Variants in LARP4B observed in about 807,000 individuals in gnomAD.
The protein encoded by LARP4B is la-related protein 4B.
Under a neutral mutation model 89.8 loss-of-function variants are expected in LARP4B, and 12 were observed. The observed-to-expected ratio is 0.13, with a 90% CI of 0.09 to 0.22. LARP4B has a LOEUF of 0.22. Ranked by LOEUF, LARP4B falls within the 10% of genes least tolerant of loss-of-function variation. The pLI is 1.00. For synonymous variants in LARP4B, 367 were observed against 363.3 expected (o/e 1.01, Z -0.12); for missense variants, 757 against 947.7 (o/e 0.80, Z 2.64).
At chr10:936,989 AAAAG>A in the LARP4B span, among the ~76,000 whole-genome samples, 6 of 152,230 alleles carry the variant, frequency 3.9e-5, no homozygotes, top group Non-Finnish European at 8.8e-5. Context: ...GAGGAAGGAA[AAAAG>A]AAAGCTCTTC....
intron 3 of LARP4B, among the ~76,000 whole-genome samples, chr10:864,929 G>A (rs1246340325): frequency 6.6e-6 from 1 of 152,106 alleles, no homozygotes; most frequent in Non-Finnish European, 1.5e-5. Context: ...CCCAACCTGG[G>A]GGACAGAGCA....
chr10:915,207 C>G (rs1010905713), intron 1 of LARP4B, among the ~76,000 whole-genome samples: 5 of 151,836 alleles, frequency 3.3e-5, no homozygotes, highest in African/African-American at 1.2e-4. Context: ...ATCACTTGAG[C>G]CCAGGAGTTT....
chr10:936,592 G>A (rs974649012), upstream of LARP4B, among the ~76,000 whole-genome samples: 8 of 152,196 alleles, frequency 5.3e-5, no homozygotes, highest in African/African-American at 1.7e-4. Context: ...GCGTGGTGGC[G>A]GTCGCCTGTA....
chr10:835,405 C>A (rs1021211357), intron 8 of LARP4B, among the ~76,000 whole-genome samples: 3 of 152,124 alleles, frequency 2.0e-5, no homozygotes, highest in Admixed American at 6.6e-5. Context: ...GCATGAACGA[C>A]GAGGCTGAAA....
At chr10:956,117 G>T in the LARP4B span, among the ~76,000 whole-genome samples, 1 of 152,094 alleles carries the variant, frequency 6.6e-6, no homozygotes, top group Non-Finnish European at 1.5e-5. This position sits in a 1 kb window ranked among gnomAD's most constrained non-coding sequence, Gnocchi z 4.3. Context: ...TTTGCACAGC[G>T]GCTCTGGGAG....
intron 3 of LARP4B, among the ~76,000 whole-genome samples, chr10:874,207 C>G (rs1041371518): frequency 5.3e-5 from 8 of 152,026 alleles, no homozygotes; most frequent in African/African-American, 1.9e-4. Flanking sequence ...GCACTCCAGC[C>G]TGGGTGACAA....
intron 1 of LARP4B, among the ~76,000 whole-genome samples, chr10:901,670 T>C (rs1836349926): frequency 6.6e-6 from 1 of 152,222 alleles, no homozygotes; most frequent in Non-Finnish European, 1.5e-5. Context: ...ATAAAAGAAA[T>C]GCGTCCAATC....
chr10:837,254 A>G (rs1833267432), intron 7 of LARP4B, among the ~76,000 whole-genome samples: 1 of 152,232 alleles, frequency 6.6e-6, no homozygotes, highest in South Asian at 2.1e-4. Context: ...TAGTTTTTAT[A>G]TCTTAATCTG....
At chr10:922,633 C>A (rs1315640193) in intron 1 of LARP4B, among the ~76,000 whole-genome samples, 1 of 151,984 alleles carries the variant, frequency 6.6e-6, no homozygotes, top group Non-Finnish European at 1.5e-5. Flanking sequence ...CACCACTACA[C>A]TCCACTCCTG....
intron 13 of LARP4B, among the ~76,000 whole-genome samples, chr10:823,072 T>C (rs898926078): frequency 2.6e-5 from 4 of 152,236 alleles, no homozygotes; most frequent in Admixed American, 6.5e-5. Flanking sequence ...GCACAAGCTC[T>C]TTCTCAAGAC....
chr10:825,691 A>C, intron 12 of LARP4B, 73 bp downstream of exon 12: 3 of 985,148 alleles, frequency 3.0e-6, no homozygotes, highest in Non-Finnish European at 4.7e-6. Context: ...CTAGTGATCA[A>C]AGCTCTCTCA....
chr10:849,972 A>G (rs1833960206), intron 5 of LARP4B, among the ~76,000 whole-genome samples: 1 of 152,254 alleles, frequency 6.6e-6, no homozygotes, highest in Admixed American at 6.5e-5. Context: ...AGACGTAACA[A>G]TGAAATATAA....
intron 5 of LARP4B, among the ~76,000 whole-genome samples, chr10:849,632 C>T (rs549110555): frequency 3.9e-5 from 6 of 152,278 alleles, no homozygotes; most frequent in East Asian, 3.9e-4. Context: ...CTGTACGCAG[C>T]GACTTCCTTC....
At chr10:915,351 C>A (rs1393843857) in intron 1 of LARP4B, among the ~76,000 whole-genome samples, 2 of 152,012 alleles carry the variant, frequency 1.3e-5, no homozygotes, top group Non-Finnish European at 2.9e-5. Flanking sequence ...ATTTATTTTT[C>A]TCTTTTGAAC....
intron 11 of LARP4B, among the ~76,000 whole-genome samples, chr10:827,239 G>A (rs1367081920): frequency 6.6e-6 from 1 of 151,818 alleles, no homozygotes; most frequent in Non-Finnish European, 1.5e-5. Context: ...TCCGGCCACT[G>A]CACTCCAGCC....
At chr10:856,698 C>T (rs1355705680) in intron 5 of LARP4B, among the ~76,000 whole-genome samples, 3 of 152,160 alleles carry the variant, frequency 2.0e-5, no homozygotes, top group Non-Finnish European at 2.9e-5. Context: ...TTCTGGAGCT[C>T]GATCAGGTCC....
Position 865,998 on chromosome 10 carries a change from G to A in LARP4B, c.142-1728C>T, listed in dbSNP as rs188239261. 2.6e-4 allele frequency among the ~76,000 whole-genome samples: 40 copies of A among 152,290 alleles called. 1 individual carries two copies. In the East Asian group the frequency reaches 6.8e-3, roughly 26 times the overall value. On this transcript the variant is annotated intron_variant, in intron 3 of 17. Transcript: ENST00000316157. The stretch of plus-strand genomic sequence containing the variant: ...ATGAGCCGTCAAATAAACGATGGGT[G>A]CATTAACAATTTTTAAAAGACAGAA...
intron 5 of LARP4B, among the ~76,000 whole-genome samples, chr10:849,007 G>A (rs1407478301): frequency 6.6e-6 from 1 of 152,184 alleles, no homozygotes; most frequent in Non-Finnish European, 1.5e-5. Context: ...AAGCATCCGG[G>A]CCACGAGAGA....
intron 8 of LARP4B, among the ~76,000 whole-genome samples, chr10:832,645 A>G (rs1303986182): frequency 3.3e-5 from 5 of 152,222 alleles, no homozygotes; most frequent in Non-Finnish European, 5.9e-5. Context: ...GAAAACGTAT[A>G]CCAGAAGAGA....
Sources: allele counts gnomAD v4.1 joint callset (sites outside exome capture counted in the v4.1 genomes callset), GRCh38; gene constraint gnomAD v4.1.1; non-coding constraint Gnocchi (gnomAD v3.1); transcripts MANE v1.5; gene names NCBI Gene and HGNC (gene_info 2026-07-23, HGNC 2026-07-21).